Variants in STK3 observed in about 807,000 individuals in gnomAD.
The protein encoded by STK3 is serine/threonine kinase 3, also known as serine/threonine-protein kinase 3.
A neutral mutation model predicts 58.0 loss-of-function variants in STK3; 41 were observed. That is an observed-to-expected ratio of 0.71 (90% CI 0.55 to 0.92). The LOEUF (loss-of-function observed/expected upper bound fraction) is 0.92, where lower values mean the gene tolerates loss of function less well. STK3 is among the 40% of genes least tolerant of loss of function. STK3 has a pLI of 0.00. For synonymous variants in STK3, 170 were observed against 191.0 expected, an observed-to-expected ratio of 0.89 and a Z score of 0.91; for missense variants, 479 against 602.7, an observed-to-expected ratio of 0.79 and a Z score of 2.15.
intron 1 of STK3, among the ~76,000 whole-genome samples, chr8:98,812,896 G>A (rs979406327): frequency 2.0e-5 from 3 of 152,118 alleles, no homozygotes; most frequent in Admixed American, 6.5e-5. Flanking sequence ...TAGGGTGGGG[G>A]GAGTGAGGAG....
At chr8:98,696,363 A>C (rs1250582768) in intron 6 of STK3, among the ~76,000 whole-genome samples, 1 of 151,132 alleles carries the variant, frequency 6.6e-6, no homozygotes, top group Non-Finnish European at 1.5e-5. Flanking sequence ...TCTCCTGCCT[A>C]ATTGCCCTGG....
At chr8:98,861,085 C>G (rs1039590783) in intron 3 of STK3, among the ~76,000 whole-genome samples, 1 of 151,930 alleles carries the variant, frequency 6.6e-6, no homozygotes, top group Non-Finnish European at 1.5e-5. Context: ...AATCTGGACA[C>G]TAGGCTAAGA....
chr8:98,638,208 T>C (rs935424946), intron 6 of STK3, among the ~76,000 whole-genome samples: 3 of 152,334 alleles, frequency 2.0e-5, no homozygotes, highest in African/African-American at 7.2e-5. Flanking sequence ...ACTTTATCAA[T>C]TGTTGGTATT....
intron 6 of STK3, among the ~76,000 whole-genome samples, chr8:98,695,197 GT>G (rs887356631): frequency 6.6e-6 from 1 of 151,966 alleles, no homozygotes; most frequent in African/African-American, 2.4e-5. Context: ...TGATGGGGTT[GT>G]TTTTTTCTTG....
intron 1 of STK3, among the ~76,000 whole-genome samples, chr8:98,441,699 C>A (rs1375183940): frequency 6.6e-6 from 1 of 152,204 alleles, no homozygotes; most frequent in Non-Finnish European, 1.5e-5. Flanking sequence ...GGTGGAGAAT[C>A]TCCACCTTGA....
chr8:98,720,357 C>T (rs1032048637), intron 4 of STK3, among the ~76,000 whole-genome samples: 1 of 152,168 alleles, frequency 6.6e-6, no homozygotes, highest in African/African-American at 2.4e-5. Flanking sequence ...TGTCATACAA[C>T]TACTAAGTAG....
At chr8:98,396,079 A>C (rs1392176234) in intron 3 of STK3, among the ~76,000 whole-genome samples, 1 of 152,248 alleles carries the variant, frequency 6.6e-6, no homozygotes, top group African/African-American at 2.4e-5. Context: ...TGTCAAATGC[A>C]TGATGGGAGA....
intron 6 of STK3, chr8:98,633,764 G>C: frequency 1.8e-6 from 1 of 570,046 alleles, no homozygotes; most frequent in Admixed American, 2.7e-5. Flanking sequence ...AGCCAGAGAA[G>C]AAGCTTTTTA....
At chr8:98,626,267 A>G (rs1185805006) in intron 6 of STK3, among the ~76,000 whole-genome samples, 1 of 152,226 alleles carries the variant, frequency 6.6e-6, no homozygotes, top group Non-Finnish European at 1.5e-5. Flanking sequence ...CAATGAGAAA[A>G]GGGGGAAAAG....
At chr8:98,735,301 T>G (rs982541089) in intron 4 of STK3, among the ~76,000 whole-genome samples, 3 of 152,136 alleles carry the variant, frequency 2.0e-5, no homozygotes, top group Non-Finnish European at 4.4e-5. Context: ...CCTGGGCAAC[T>G]GCAACTACTC....
rs573283162 is a variant in STK3, at chr8:98,412,511, T to C, written n.484-10998A>G. Among the ~76,000 whole-genome samples the C allele has an allele frequency of 6.6e-5, 10 of 152,366 alleles. No individual in the cohort carries two copies. The South Asian group carries it at 2.1e-3, about 32-fold the overall frequency. Reference sequence around the variant, plus strand: ...ATAAACAGTTTCAAAGCCAACTTGATTGCCAACCTTACAGTAGCTGTTGTG... The same window carrying C: ...ATAAACAGTTTCAAAGCCAACTTGACTGCCAACCTTACAGTAGCTGTTGTG... On this transcript the variant is annotated intron_variant and non_coding_transcript_variant, in intron 3 of 3. Coordinates refer to the STK3 transcript ENST00000517832.
chr8:98,504,738 A>G (rs1276158505), intron 10 of STK3, among the ~76,000 whole-genome samples: 1 of 152,280 alleles, frequency 6.6e-6, no homozygotes, highest in Admixed American at 6.5e-5. Flanking sequence ...ACTGGCTTGT[A>G]GAGTTTCTGC....
At chr8:98,721,121 G>A (rs186929736) in intron 4 of STK3, 16 of 985,146 alleles carry the variant, frequency 1.6e-5, no homozygotes, top group Non-Finnish European at 1.6e-5. Context: ...ACATTAATGG[G>A]TGGCTTTATG....
intron 1 of STK3, among the ~76,000 whole-genome samples, chr8:98,919,502 G>T (rs1201978550): frequency 1.1e-4 from 16 of 152,164 alleles, no homozygotes; most frequent in Admixed American, 1.0e-3. Context: ...GATTGACTGA[G>T]AAGGTACAAG....
intron 4 of STK3, among the ~76,000 whole-genome samples, chr8:98,742,697 C>A (rs1829317340): frequency 6.6e-6 from 1 of 151,412 alleles, no homozygotes; most frequent in Non-Finnish European, 1.5e-5. Flanking sequence ...TCTCACCACT[C>A]CTATTCAACA....
intron 3 of STK3, chr8:98,427,763 T>C (rs1461078901): frequency 1.9e-6 from 1 of 523,322 alleles, no homozygotes; most frequent in East Asian, 3.1e-5. Flanking sequence ...AATAGAAACA[T>C]ACCCACCCCC....
At chr8:98,871,651 A>G (rs1264708136) in intron 3 of STK3, among the ~76,000 whole-genome samples, 2 of 151,832 alleles carry the variant, frequency 1.3e-5, no homozygotes, top group African/African-American at 4.8e-5. Flanking sequence ...TTTGTCTGTT[A>G]TTGGTGTATA....
At chr8:98,836,393 C>T (rs543173806) in intron 3 of STK3, among the ~76,000 whole-genome samples, 2 of 152,318 alleles carry the variant, frequency 1.3e-5, no homozygotes, top group South Asian at 2.1e-4. Flanking sequence ...TTGTAAGGGA[C>T]AAATTCCATT....
chr8:98,585,879 A>G (rs1299259861), intron 7 of STK3, among the ~76,000 whole-genome samples: 2 of 151,412 alleles, frequency 1.3e-5, no homozygotes, highest in African/African-American at 4.9e-5. Context: ...GAGTTCACTC[A>G]TGATTTGGCT....
Sources: gnomAD v4.1 joint callset for allele counts (sites outside exome capture counted in the v4.1 genomes callset) on GRCh38, gnomAD v4.1.1 for gene constraint, MANE v1.5 for transcripts, NCBI Gene and HGNC (gene_info 2026-07-23, HGNC 2026-07-21) for gene names.